CDH18: variants seen among roughly 807,000 people sequenced by gnomAD.
The protein encoded by CDH18 is cadherin 18.
CDH18 carries 31 observed loss-of-function variants against 67.9 expected under a neutral mutation model. That is an observed-to-expected ratio of 0.46 (90% CI 0.34 to 0.62). The LOEUF is 0.62. CDH18 is among the 20% of genes least tolerant of loss of function. The probability of loss-of-function intolerance (pLI) is 0.01; values close to 1 mark genes in which losing one functional copy is unlikely to be tolerated. For synonymous variants in CDH18, 362 were observed against 347.2 expected, an observed-to-expected ratio of 1.04 and a Z score of -0.48; for missense variants, 890 against 975.5, an observed-to-expected ratio of 0.91 and a Z score of 1.17.
At chr5:20,356,198 T>C (rs1741593359) in intron 1 of CDH18, among the ~76,000 whole-genome samples, 1 of 152,074 alleles carries the variant, frequency 6.6e-6, no homozygotes, top group East Asian at 1.9e-4. Context: ...GCTTGGCTAA[T>C]GTGGTAAAAC....
chr5:20,192,663 A>G (rs1738640771), intron 2 of CDH18, among the ~76,000 whole-genome samples: 1 of 151,910 alleles, frequency 6.6e-6, no homozygotes, highest in Non-Finnish European at 1.5e-5. Context: ...ATGGTTGTAG[A>G]CGTGTAGTGT....
At position 20,513,274 on chromosome 5, in the gene CDH18, A is replaced by G. The variant is rs79940027; in HGVS notation, c.-580+62188T>C. On this transcript the variant is annotated intron_variant, in intron 1 of 14. Transcript: ENST00000507958. ...ATTTTATCTCACATGTAGCTCAAAC[A>G]TTAGGAGCTTAAATTACAGCAAAAC... 4.9e-3 allele frequency among the ~76,000 whole-genome samples: 749 copies of G among 152,296 alleles called. 7 individuals are homozygous for G. The highest frequency in any genetic ancestry group is 0.017 in the African/African-American group (716 of 41,568).
At chr5:20,282,110 T>G (rs1001328872) in intron 1 of CDH18, among the ~76,000 whole-genome samples, 1 of 152,188 alleles carries the variant, frequency 6.6e-6, no homozygotes, top group African/African-American at 2.4e-5. Flanking sequence ...AAGGAGATTT[T>G]GGGCTGAGAC....
intron 1 of CDH18, among the ~76,000 whole-genome samples, chr5:20,368,082 TG>T (rs1742667895): frequency 6.6e-6 from 1 of 152,190 alleles, no homozygotes; most frequent in East Asian, 1.9e-4. Context: ...TTGGGACTCC[TG>T]GGGTGAAATG....
At chr5:19,996,764 T>C (rs1240880629) in intron 2 of CDH18, among the ~76,000 whole-genome samples, 1 of 152,008 alleles carries the variant, frequency 6.6e-6, no homozygotes, top group Non-Finnish European at 1.5e-5. Flanking sequence ...GGAAATAAAA[T>C]GGATTTAAAT....
chr5:20,347,872 C>G, intron 1 of CDH18, among the ~76,000 whole-genome samples: 1 of 152,150 alleles, frequency 6.6e-6, no homozygotes, highest in East Asian at 1.9e-4. Context: ...TGCCACATAA[C>G]ATATCAGGAA....
chr5:20,532,662 A>G (rs1198621077), intron 1 of CDH18, among the ~76,000 whole-genome samples: 1 of 152,006 alleles, frequency 6.6e-6, no homozygotes, highest in Non-Finnish European at 1.5e-5. Flanking sequence ...GTATACCTCT[A>G]ATATTTGGTT....
chr5:19,533,139 A>G (rs1352454171), intron 9 of CDH18, among the ~76,000 whole-genome samples: 1 of 152,228 alleles, frequency 6.6e-6, no homozygotes, highest in East Asian at 1.9e-4. Context: ...GTGTCTCACA[A>G]TTCAATACAT....
upstream of CDH18, among the ~76,000 whole-genome samples, chr5:19,989,095 A>T (rs962184500): frequency 2.0e-5 from 3 of 152,200 alleles, no homozygotes; most frequent in African/African-American, 7.2e-5. Flanking sequence ...TGATCTGGAC[A>T]GCTGAAATAA....
At chr5:19,787,665 C>T (rs1775951597) in intron 3 of CDH18, among the ~76,000 whole-genome samples, 1 of 151,358 alleles carries the variant, frequency 6.6e-6, no homozygotes, top group Non-Finnish European at 1.5e-5. Flanking sequence ...AAATAAACAA[C>T]TAAACAAAGT....
At chr5:20,324,039 G>A (rs957224816) in intron 1 of CDH18, among the ~76,000 whole-genome samples, 5 of 152,130 alleles carry the variant, frequency 3.3e-5, no homozygotes, top group Non-Finnish European at 7.3e-5. Context: ...TTTTGCCAGT[G>A]CCCAAAGTTC....
intron 1 of CDH18, among the ~76,000 whole-genome samples, chr5:20,472,115 C>T (rs930930738): frequency 2.0e-5 from 3 of 152,012 alleles, no homozygotes; most frequent in Non-Finnish European, 4.4e-5. Flanking sequence ...TTTCATGTAA[C>T]CTTAAATAAA....
intron 2 of CDH18, among the ~76,000 whole-genome samples, chr5:20,201,488 G>A (rs1167590733): frequency 6.6e-6 from 1 of 151,362 alleles, no homozygotes; most frequent in Non-Finnish European, 1.5e-5. Flanking sequence ...AATGTGGAGA[G>A]TGAAGTGTTT....
intron 6 of CDH18, among the ~76,000 whole-genome samples, chr5:19,595,352 T>A (rs1746004429): frequency 6.6e-6 from 1 of 152,124 alleles, no homozygotes; most frequent in Non-Finnish European, 1.5e-5. Flanking sequence ...GACAAATAAA[T>A]GGAAAGACAT....
At position 19,969,107 on chromosome 5, in the gene CDH18, T is replaced by C. The variant is rs1245930020; in HGVS notation, c.-257+11953A>G. On this transcript the variant is annotated intron_variant, in intron 2 of 12. Coordinates refer to ENST00000382275, the MANE Select transcript of CDH18 (RefSeq NM_004934.5). ...CACATGAAAAAATGCTCACCATCAC[T>C]GGCCATCAGAGAAATGCAAATCAAA... Among the ~76,000 whole-genome samples, 59 of 146,274 alleles carry C rather than the reference T, an allele frequency of 4.0e-4. 1 individual carries two copies. Among genetic ancestry groups the C allele is most frequent in the African/African-American group, 1.5e-3 (53 of 35,894 alleles).
intron 1 of CDH18, among the ~76,000 whole-genome samples, chr5:20,327,976 T>G (rs1193378020): frequency 6.6e-6 from 1 of 150,890 alleles, no homozygotes; most frequent in African/African-American, 2.4e-5. Flanking sequence ...ATATGTGGGG[T>G]TTTTATAGCT....
At chr5:19,554,514 C>T (rs1345004034) in intron 8 of CDH18, among the ~76,000 whole-genome samples, 1 of 151,142 alleles carries the variant, frequency 6.6e-6, no homozygotes, top group Non-Finnish European at 1.5e-5. Flanking sequence ...CACACCACTG[C>T]AGTCCAGGCT....
At chr5:20,444,365 G>A (rs2150196035) in intron 1 of CDH18, among the ~76,000 whole-genome samples, 1 of 152,274 alleles carries the variant, frequency 6.6e-6, no homozygotes, top group East Asian at 1.9e-4. Flanking sequence ...GCTATTGCTT[G>A]TCTGTTTATT....
At chr5:20,102,450 G>C (rs2150578475) in intron 2 of CDH18, among the ~76,000 whole-genome samples, 1 of 152,274 alleles carries the variant, frequency 6.6e-6, no homozygotes, top group East Asian at 1.9e-4. Context: ...GGCTGGGGTT[G>C]AGGAAAAGGA....
Sources: allele counts gnomAD v4.1 joint callset (sites outside exome capture counted in the v4.1 genomes callset), GRCh38; gene constraint gnomAD v4.1.1; transcripts MANE v1.5; gene names NCBI Gene and HGNC (gene_info 2026-07-23, HGNC 2026-07-21).